The following GPC5 variants were observed in gnomAD, a reference collection of about 807,000 sequenced individuals.
The protein encoded by GPC5 is glypican-5.
In GPC5, 47 loss-of-function variants were observed where a neutral mutation model predicts 53.9. The ratio of observed to expected loss-of-function variants is 0.87; its 90% CI spans 0.69 to 1.11. The LOEUF (loss-of-function observed/expected upper bound fraction) is 1.11. Ranked by LOEUF, GPC5 falls within the 50% of genes most tolerant of loss-of-function variation. The pLI, the probability that GPC5 is intolerant of heterozygous loss-of-function variation, is 0.00. For synonymous variants in GPC5, 286 were observed against 263.3 expected (o/e 1.09, Z -0.84); for missense variants, 748 against 713.1 (o/e 1.05, Z -0.56).
At chr13:92,050,788 C>A (rs113738056) in intron 6 of GPC5, among the ~76,000 whole-genome samples, 5 of 152,228 alleles carry the variant, frequency 3.3e-5, no homozygotes, top group East Asian at 1.9e-4. Context: ...TTTTTACAAA[C>A]CCCAGTGTTC....
At chr13:91,826,976 A>T (rs2038586077) in intron 5 of GPC5, among the ~76,000 whole-genome samples, 1 of 151,930 alleles carries the variant, frequency 6.6e-6, no homozygotes, top group Non-Finnish European at 1.5e-5. Flanking sequence ...TTGAATGGGT[A>T]GAAAAAACGT....
In GPC5 at chr13:92,365,752, C is replaced by T. The variant is rs539991286; in HGVS notation, c.1561+220763C>T. On this transcript the variant is annotated intron_variant, in intron 7 of 7. Transcript: ENST00000377067. ...TACACTGGGTCAGGATCATCAATAC[C>T]GCTTTCTTCCACCTTCACATCTTGT... Among the ~76,000 whole-genome samples, 4 of 150,830 alleles carry T rather than the reference C, an allele frequency of 2.7e-5. No homozygotes were observed. The East Asian group carries it at 5.8e-4, about 22-fold the overall frequency.
chr13:92,457,213 A>G (rs941401605), intron 7 of GPC5, among the ~76,000 whole-genome samples: 16 of 152,100 alleles, frequency 1.1e-4, no homozygotes, highest in African/African-American at 3.9e-4. Flanking sequence ...TTCATAGTGT[A>G]TAGGTATGAC....
At chr13:92,695,405 T>C (rs572332792) in intron 7 of GPC5, among the ~76,000 whole-genome samples, 1 of 152,328 alleles carries the variant, frequency 6.6e-6, no homozygotes, top group South Asian at 2.1e-4. Flanking sequence ...TAAAATTTGC[T>C]TATAAGTCCT....
At chr13:91,843,565 T>G (rs918730705) in intron 5 of GPC5, among the ~76,000 whole-genome samples, 2 of 152,330 alleles carry the variant, frequency 1.3e-5, no homozygotes, top group Admixed American at 6.5e-5. Flanking sequence ...TGTAATAGTC[T>G]TCAGATACTG....
At chr13:91,466,249 T>C (rs1444963666) in intron 2 of GPC5, among the ~76,000 whole-genome samples, 2 of 152,108 alleles carry the variant, frequency 1.3e-5, no homozygotes, top group Non-Finnish European at 2.9e-5. Context: ...TAGGAGGTGA[T>C]GTGGGTCTCT....
At chr13:92,339,073 G>T in intron 7 of GPC5, among the ~76,000 whole-genome samples, 1 of 151,818 alleles carries the variant, frequency 6.6e-6, no homozygotes, top group East Asian at 1.9e-4. Context: ...TTAAGTGATG[G>T]CTTGACATAA....
intron 5 of GPC5, among the ~76,000 whole-genome samples, chr13:91,793,356 G>A (rs1443735688): frequency 6.6e-6 from 1 of 152,092 alleles, no homozygotes; most frequent in Non-Finnish European, 1.5e-5. Context: ...GACACGTGGG[G>A]ATTATGGGGG....
At chr13:92,165,424 G>A (rs532160384) in intron 7 of GPC5, among the ~76,000 whole-genome samples, 1 of 152,268 alleles carries the variant, frequency 6.6e-6, no homozygotes, top group Non-Finnish European at 1.5e-5. Flanking sequence ...GAAGAAAAAA[G>A]GTTTAATTGA....
chr13:92,216,835 T>G (rs760912288), intron 7 of GPC5, among the ~76,000 whole-genome samples: 7 of 151,908 alleles, frequency 4.6e-5, no homozygotes, highest in Non-Finnish European at 7.4e-5. Flanking sequence ...AAAGATTAGC[T>G]GGGCGTGGTG....
At chr13:91,728,413 A>T in intron 3 of GPC5, 119 bp from the exon 4 acceptor site, 1 of 772,172 alleles carries the variant, frequency 1.3e-6, no homozygotes, top group East Asian at 2.6e-5. Flanking sequence ...TATTATATTT[A>T]AGATTAATAT....
intron 5 of GPC5, among the ~76,000 whole-genome samples, chr13:91,795,990 T>C (rs1364550057): frequency 6.6e-6 from 1 of 151,844 alleles, no homozygotes; most frequent in Non-Finnish European, 1.5e-5. Flanking sequence ...TTACCGGGGG[T>C]CTTTGCTCCC....
chr13:91,456,411 A>G (rs1382144432), intron 2 of GPC5, among the ~76,000 whole-genome samples: 3 of 152,020 alleles, frequency 2.0e-5, no homozygotes, highest in Non-Finnish European at 4.4e-5. Flanking sequence ...AACAATTATT[A>G]GCTTCTTTTA....
chr13:92,033,872 G>A (rs1194186666), intron 6 of GPC5, among the ~76,000 whole-genome samples: 1 of 152,174 alleles, frequency 6.6e-6, no homozygotes, highest in African/African-American at 2.4e-5. Context: ...ACAAGGGAAT[G>A]TTAACTTAGC....
At chr13:91,734,522 A>G (rs1434712947) in intron 4 of GPC5, among the ~76,000 whole-genome samples, 1 of 151,400 alleles carries the variant, frequency 6.6e-6, no homozygotes. Context: ...CTTTGGGATA[A>G]AAGTCAGTAC....
chr13:92,340,543 T>C (rs2043357594), intron 7 of GPC5: 1 of 152,156 alleles, frequency 6.6e-6, no homozygotes, highest in Non-Finnish European at 1.5e-5. Context: ...AAATGTTAAA[T>C]ACATTTGAAA....
At chr13:92,000,260 A>AT (rs5805721) in intron 6 of GPC5, among the ~76,000 whole-genome samples, 59,775 of 151,520 alleles carry the variant, frequency 0.39, 12,498 homozygotes, top group Admixed American at 0.49. Flanking sequence ...TGGTGTGCAT[A>AT]TTTTTTTTAT....
At chr13:92,368,891 G>C (rs2043628309) in intron 7 of GPC5, among the ~76,000 whole-genome samples, 1 of 152,028 alleles carries the variant, frequency 6.6e-6, no homozygotes, top group Non-Finnish European at 1.5e-5. Context: ...AGGGAGAAGG[G>C]TAGTTATTGG....
chr13:92,393,288 A>G (rs1214159661), intron 7 of GPC5, among the ~76,000 whole-genome samples: 1 of 152,198 alleles, frequency 6.6e-6, no homozygotes, highest in East Asian at 1.9e-4. Context: ...TTTAAAAAAA[A>G]ACTAATACAG....
Sources: allele counts gnomAD v4.1 joint callset (sites outside exome capture counted in the v4.1 genomes callset), GRCh38; gene constraint gnomAD v4.1.1; transcripts MANE v1.5; gene names NCBI Gene and HGNC (gene_info 2026-07-23, HGNC 2026-07-21).